KSR2: variants seen among roughly 807,000 people sequenced by gnomAD.
The protein encoded by KSR2 is kinase suppressor of ras 2.
A neutral mutation model predicts 107.8 loss-of-function variants in KSR2; 25 were observed. The ratio of observed to expected loss-of-function variants is 0.23; its 90% CI spans 0.17 to 0.32. KSR2 has a LOEUF of 0.32. Ranked by LOEUF, KSR2 falls within the 10% of genes least tolerant of loss-of-function variation. KSR2 has a pLI of 1.00. For missense variants in KSR2, 887 were observed against 1,268.9 expected (o/e 0.70, Z 4.57); for synonymous variants, 480 against 507.0 (o/e 0.95, Z 0.71).
intron 12 of KSR2, among the ~76,000 whole-genome samples, chr12:117,529,423 C>T (rs1013701482): frequency 1.3e-5 from 2 of 152,096 alleles, no homozygotes; most frequent in African/African-American, 2.4e-5. Context: ...ACCAGGTTGG[C>T]TAGGCTGGTC....
At chr12:117,730,293 G>A (rs1480932064) in intron 4 of KSR2, among the ~76,000 whole-genome samples, 1 of 152,148 alleles carries the variant, frequency 6.6e-6, no homozygotes, top group Non-Finnish European at 1.5e-5. Context: ...TACAACGGAT[G>A]ATGATAAAAC....
chr12:117,775,680 G>C (rs895660963), intron 3 of KSR2, among the ~76,000 whole-genome samples: 1 of 152,180 alleles, frequency 6.6e-6, no homozygotes, highest in African/African-American at 2.4e-5. Flanking sequence ...CCATGTTTCC[G>C]ATGGGGAAAC....
chr12:117,524,389 C>T (rs1039255450), intron 14 of KSR2, among the ~76,000 whole-genome samples: 4 of 152,098 alleles, frequency 2.6e-5, no homozygotes, highest in African/African-American at 7.2e-5. Context: ...TGGGGTTAGG[C>T]GTGGTAGCTT....
At chr12:117,904,262 G>T (rs573306799) in intron 1 of KSR2, among the ~76,000 whole-genome samples, 108 of 152,218 alleles carry the variant, frequency 7.1e-4, no homozygotes, top group Middle Eastern at 3.4e-3. Flanking sequence ...AGCCTCACAG[G>T]AATCTCCTCC....
At chr12:117,626,215 TCTGATC>T (rs1882503507) in intron 5 of KSR2, among the ~76,000 whole-genome samples, 1 of 152,210 alleles carries the variant, frequency 6.6e-6, no homozygotes, top group African/African-American at 2.4e-5. Flanking sequence ...TCAGTTCTGC[TCTGATC>T]TTAGTTATTT....
At chr12:117,906,741 G>A (rs1038636837) in intron 1 of KSR2, among the ~76,000 whole-genome samples, 2 of 152,106 alleles carry the variant, frequency 1.3e-5, no homozygotes, top group African/African-American at 2.4e-5. Context: ...TCCCCTGGAA[G>A]GCTTGTTAAA....
chr12:117,510,300 C>T (rs566842359), intron 14 of KSR2, among the ~76,000 whole-genome samples: 2 of 152,290 alleles, frequency 1.3e-5, no homozygotes, highest in South Asian at 2.1e-4. Flanking sequence ...AAAGATTATT[C>T]CACTTTTCTG....
At chr12:117,847,124 C>T (rs761979561) in intron 3 of KSR2, among the ~76,000 whole-genome samples, 1 of 152,224 alleles carries the variant, frequency 6.6e-6, no homozygotes, top group Non-Finnish European at 1.5e-5. Context: ...ACATCAGTGT[C>T]AACACCAGAA....
At chr12:117,708,661 C>T (rs1334360573) in intron 4 of KSR2, among the ~76,000 whole-genome samples, 2 of 152,136 alleles carry the variant, frequency 1.3e-5, no homozygotes, top group African/African-American at 4.8e-5. Context: ...AACTGCCTTG[C>T]CCAAGGTCAA....
intron 15 of KSR2, 21 bp downstream of exon 15, chr12:117,485,574 A>T: frequency 6.3e-7 from 1 of 1,591,290 alleles, no homozygotes. Context: ...TTTAGATAGG[A>T]GGCCCAAGAG....
intron 5 of KSR2, among the ~76,000 whole-genome samples, chr12:117,586,351 C>A (rs1311484429): frequency 6.6e-6 from 1 of 151,978 alleles, no homozygotes; most frequent in Non-Finnish European, 1.5e-5. Flanking sequence ...CTTTGGGAGG[C>A]CAAGGCAGGT....
At chr12:117,645,253 GCTC>G (rs1883563697) in intron 5 of KSR2, among the ~76,000 whole-genome samples, 1 of 152,204 alleles carries the variant, frequency 6.6e-6, no homozygotes, top group Non-Finnish European at 1.5e-5. Context: ...ATGACACTGA[GCTC>G]CTGGATCCAG....
chr12:117,543,392 G>T (rs1029246829), intron 9 of KSR2, among the ~76,000 whole-genome samples: 1 of 152,096 alleles, frequency 6.6e-6, no homozygotes, highest in African/African-American at 2.4e-5. Context: ...ATCTTTTCGT[G>T]TGCTTACTTG....
At chr12:117,747,171 TG>T (rs1945315042) in intron 4 of KSR2, among the ~76,000 whole-genome samples, 1 of 152,140 alleles carries the variant, frequency 6.6e-6, no homozygotes, top group Non-Finnish European at 1.5e-5. Flanking sequence ...AGCAAAGACC[TG>T]GAACCAACCC....
chr12:117,503,400 G>T (rs550842658), intron 14 of KSR2, among the ~76,000 whole-genome samples: 2 of 152,158 alleles, frequency 1.3e-5, no homozygotes, highest in Admixed American at 6.5e-5. Context: ...TATGTGACTG[G>T]CCCTGGCCAG....
At chr12:117,883,297 AAC>A (rs1305259438) in intron 1 of KSR2, among the ~76,000 whole-genome samples, 1 of 152,238 alleles carries the variant, frequency 6.6e-6, no homozygotes, top group African/African-American at 2.4e-5. Context: ...AATAATAAAA[AAC>A]AGTTTGCAAC....
At chr12:117,614,406 T>C (rs1881763773) in intron 5 of KSR2, among the ~76,000 whole-genome samples, 1 of 152,196 alleles carries the variant, frequency 6.6e-6, no homozygotes, top group Non-Finnish European at 1.5e-5. Context: ...AAGGATAAGA[T>C]ACATGGAAGG....
chr12:117,563,644 T>C (rs993547071), intron 7 of KSR2, among the ~76,000 whole-genome samples: 3 of 152,192 alleles, frequency 2.0e-5, no homozygotes, highest in African/African-American at 7.2e-5. Context: ...TGCTAGTTTG[T>C]GCAGCAGCTT....
At chr12:117,697,551 A>G (rs532935612) in intron 4 of KSR2, among the ~76,000 whole-genome samples, 124 of 152,050 alleles carry the variant, frequency 8.2e-4, no homozygotes, top group Admixed American at 1.4e-3. Context: ...GACCAGCCTG[A>G]CCAACATGGT....
Sources: allele counts gnomAD v4.1 joint callset (sites outside exome capture counted in the v4.1 genomes callset), GRCh38; gene constraint gnomAD v4.1.1; transcripts MANE v1.5; gene names NCBI Gene and HGNC (gene_info 2026-07-23, HGNC 2026-07-21).